The following PARD3 variants were observed in gnomAD, a reference collection of about 807,000 sequenced individuals.
PARD3 encodes the protein par-3 family cell polarity regulator.
A neutral mutation model predicts 155.4 loss-of-function variants in PARD3; 75 were observed. The ratio of observed to expected loss-of-function variants is 0.48; its 90% CI spans 0.40 to 0.58. PARD3 has a LOEUF of 0.58. Among genes scored for constraint, PARD3 ranks in the 20% least tolerant of loss-of-function variants. The pLI is 0.00. For missense variants in PARD3, 1,642 were observed against 1,721.7 expected (o/e 0.95, Z 0.82); for synonymous variants, 576 against 610.5 (o/e 0.94, Z 0.83).
chr10:34,701,348 T>A (rs527934526), intron 1 of PARD3, among the ~76,000 whole-genome samples: 3 of 151,834 alleles, frequency 2.0e-5, no homozygotes, highest in Admixed American at 1.3e-4. Flanking sequence ...GTTGTTGTTG[T>A]TGTTGTTGTT....
chr10:34,673,486 A>G (rs1466252175), intron 2 of PARD3, among the ~76,000 whole-genome samples: 1 of 152,222 alleles, frequency 6.6e-6, no homozygotes, highest in Non-Finnish European at 1.5e-5. Context: ...AAGCCAGAAC[A>G]CACAATTTGC....
intron 1 of PARD3, among the ~76,000 whole-genome samples, chr10:34,770,565 T>C (rs1003008391): frequency 6.6e-5 from 10 of 152,296 alleles, no homozygotes; most frequent in African/African-American, 1.9e-4. Context: ...ACTCTTGCGC[T>C]GGACCTGCAT....
Position 34,270,229 on chromosome 10 carries a change from G to A in PARD3, c.3177-330C>T, listed in dbSNP as rs193165191. 3.4e-3 allele frequency among the ~76,000 whole-genome samples: 505 copies of A among 147,938 alleles called. 3 individuals carry two copies. Among genetic ancestry groups the A allele is most frequent in the Non-Finnish European group, 4.0e-3 (272 of 67,478 alleles). Reference sequence around the variant, plus strand: ...GAGATCTTGGCTCACTGCAACCTCCGCCTCCCAGGTTCAAGTGATTCTTGT... The same window carrying A: ...GAGATCTTGGCTCACTGCAACCTCCACCTCCCAGGTTCAAGTGATTCTTGT... On this transcript the variant is annotated intron_variant, in intron 21 of 24. Coordinates refer to ENST00000374788, the MANE Select transcript of PARD3 (RefSeq NM_001184785.2).
At position 34,558,424 on chromosome 10, in the gene PARD3, T is replaced by TG. The variant is rs552058911; in HGVS notation, c.223-41266dup. Among the ~76,000 whole-genome samples, 313 of 152,338 alleles carry TG rather than the reference T, an allele frequency of 2.1e-3. 1 individual carries two copies. The highest frequency in any genetic ancestry group is 3.4e-3 in the Middle Eastern group (1 of 294). On this transcript the variant is annotated intron_variant, in intron 2 of 24. Transcript: ENST00000374788. ...CAATTGATAAAATACTTATCATTCT[T>TG]GCTACCTCATTTCCTCAAAGTGTTA...
At chr10:34,389,239 T>TTA (rs1842649504) in intron 7 of PARD3, among the ~76,000 whole-genome samples, 2 of 65,882 alleles carry the variant, frequency 3.0e-5, no homozygotes, top group African/African-American at 1.4e-4. Flanking sequence ...CAATGTTTCT[T>TTA]AAAAAAAAAA....
At chr10:34,473,791 A>C (rs1375182146) in intron 3 of PARD3, among the ~76,000 whole-genome samples, 1 of 152,166 alleles carries the variant, frequency 6.6e-6, no homozygotes, top group Non-Finnish European at 1.5e-5. Flanking sequence ...TTTCCTAAAA[A>C]TTTCTGTATA....
chr10:34,221,388 CTTT>C (rs3039277), intron 22 of PARD3, among the ~76,000 whole-genome samples: 4 of 119,780 alleles, frequency 3.3e-5, no homozygotes, highest in Admixed American at 8.3e-5. Context: ...CAGGACTTGC[CTTT>C]TTTTTTTTTT....
At chr10:34,639,644 G>A (rs2092603958) in intron 2 of PARD3, among the ~76,000 whole-genome samples, 1 of 152,198 alleles carries the variant, frequency 6.6e-6, no homozygotes, top group Non-Finnish European at 1.5e-5. Context: ...GACTGCTAGA[G>A]GCCAGGAGCT....
At chr10:34,620,889 T>C (rs2091625559) in intron 2 of PARD3, among the ~76,000 whole-genome samples, 1 of 152,236 alleles carries the variant, frequency 6.6e-6, no homozygotes, top group Non-Finnish European at 1.5e-5. Flanking sequence ...AAATACATCT[T>C]GCCACATTTT....
intron 4 of PARD3, among the ~76,000 whole-genome samples, chr10:34,456,739 T>C (rs1223474779): frequency 6.6e-6 from 1 of 152,238 alleles, no homozygotes; most frequent in East Asian, 1.9e-4. Flanking sequence ...AAATTTTTAC[T>C]AGGATTTTTC....
chr10:34,386,933 A>C (rs1167663766), intron 7 of PARD3, among the ~76,000 whole-genome samples: 1 of 152,178 alleles, frequency 6.6e-6, no homozygotes, highest in Non-Finnish European at 1.5e-5. Flanking sequence ...CATGCAGAAG[A>C]TATCTGACCA....
intron 22 of PARD3, among the ~76,000 whole-genome samples, 183 bp downstream of exon 22, chr10:34,269,473 CT>C (rs1462163560): frequency 1.2e-4 from 18 of 152,258 alleles, no homozygotes; most frequent in African/African-American, 3.8e-4. Context: ...CCATCAAAAC[CT>C]CTGCTGATCC....
At chr10:34,723,616 C>T (rs922121956) in intron 1 of PARD3, among the ~76,000 whole-genome samples, 1 of 152,156 alleles carries the variant, frequency 6.6e-6, no homozygotes, top group Non-Finnish European at 1.5e-5. Flanking sequence ...TCAATCAGAT[C>T]ATAGTAATTA....
chr10:34,627,338 T>A (rs539404572), intron 2 of PARD3, among the ~76,000 whole-genome samples: 1 of 152,300 alleles, frequency 6.6e-6, no homozygotes, highest in South Asian at 2.1e-4. Flanking sequence ...GCCCATCTAT[T>A]ATGAACTGAA....
chr10:34,608,237 C>T lies in PARD3; in HGVS notation c.222+88081G>A, dbSNP rs551801343. Among the ~76,000 whole-genome samples the T allele has an allele frequency of 4.6e-5, 7 of 152,332 alleles. No individual in the cohort carries two copies. The East Asian group carries it at 1.4e-3, about 29-fold the overall frequency. On this transcript the variant is annotated intron_variant, in intron 2 of 24. Coordinates refer to ENST00000374788, the MANE Select transcript of PARD3 (RefSeq NM_001184785.2). Reference sequence around the variant, plus strand: ...ACATACTAGAATTAAAATAGACTGACAGCCACCCACAACCGTTTCTCCATG... The same window carrying T: ...ACATACTAGAATTAAAATAGACTGATAGCCACCCACAACCGTTTCTCCATG...
chr10:34,489,110 G>A (rs1407562148), intron 3 of PARD3, among the ~76,000 whole-genome samples: 1 of 152,192 alleles, frequency 6.6e-6, no homozygotes, highest in Non-Finnish European at 1.5e-5. Flanking sequence ...GGCTGAAGTG[G>A]GAAGATCATG....
intron 22 of PARD3, among the ~76,000 whole-genome samples, chr10:34,170,140 T>G (rs921660580): frequency 2.0e-5 from 3 of 152,168 alleles, no homozygotes; most frequent in African/African-American, 7.2e-5. Context: ...CAGGTTGGAG[T>G]GCAGTGGTGC....
At chr10:34,581,980 T>C (rs1044681214) in intron 2 of PARD3, among the ~76,000 whole-genome samples, 1 of 152,222 alleles carries the variant, frequency 6.6e-6, no homozygotes, top group Non-Finnish European at 1.5e-5. Flanking sequence ...ACATTAGCTC[T>C]ACAACTAAAG....
intron 12 of PARD3, among the ~76,000 whole-genome samples, chr10:34,368,413 G>A (rs995478081): frequency 4.6e-5 from 7 of 151,992 alleles, no homozygotes; most frequent in African/African-American, 7.2e-5. Flanking sequence ...TGGCTCACGC[G>A]TGTAATTCCA....
Sources: gnomAD v4.1 joint callset for allele counts (sites outside exome capture counted in the v4.1 genomes callset) on GRCh38, gnomAD v4.1.1 for gene constraint, MANE v1.5 for transcripts, NCBI Gene and HGNC (gene_info 2026-07-23, HGNC 2026-07-21) for gene names.